Variants in PRAG1 observed in about 807,000 individuals in gnomAD.
PRAG1 encodes PEAK1 related, kinase-activating pseudokinase 1.
PRAG1 carries 110 observed loss-of-function variants against 95.6 expected under a neutral mutation model. The observed-to-expected ratio is 1.15, with a 90% CI of 0.99 to 1.35. The LOEUF (loss-of-function observed/expected upper bound fraction) is 1.35. Among genes scored for constraint, PRAG1 ranks in the 40% most tolerant of loss-of-function variants. The probability of loss-of-function intolerance (pLI) is 0.00; values close to 1 mark genes in which losing one functional copy is unlikely to be tolerated. For synonymous variants in PRAG1, 1,052 were observed against 819.4 expected, an observed-to-expected ratio of 1.28 and a Z score of -4.85; for missense variants, 2,554 against 1,864.7, an observed-to-expected ratio of 1.37 and a Z score of -6.81.
chr8:8,326,567 C>A (rs931464371), intron 5 of PRAG1, among the ~76,000 whole-genome samples: 1 of 152,190 alleles, frequency 6.6e-6, no homozygotes, highest in Non-Finnish European at 1.5e-5. Context: ...ATGGTAGAGA[C>A]TCCAGTGGCC....
intron 3 of PRAG1, among the ~76,000 whole-genome samples, chr8:8,360,809 G>A (rs949489072): frequency 6.6e-6 from 1 of 152,116 alleles, no homozygotes; most frequent in African/African-American, 2.4e-5. Context: ...GGTGCTGATT[G>A]CTGAATCCCC....
chr8:8,323,488 T>C (rs1340514009), intron 5 of PRAG1, among the ~76,000 whole-genome samples: 1 of 152,066 alleles, frequency 6.6e-6, no homozygotes, highest in Non-Finnish European at 1.5e-5. Context: ...TGACTAATTT[T>C]TGTATTGTTC....
chr8:8,337,484 G>A (rs572682763), intron 4 of PRAG1, among the ~76,000 whole-genome samples: 3 of 152,174 alleles, frequency 2.0e-5, no homozygotes, highest in African/African-American at 7.2e-5. Flanking sequence ...GAGAGAGAGA[G>A]AGAAAGAGAG....
chr8:8,386,134 C>G (rs1022683342), intron 1 of PRAG1, among the ~76,000 whole-genome samples, 187 bp downstream of exon 1: 1 of 152,074 alleles, frequency 6.6e-6, no homozygotes, highest in African/African-American at 2.4e-5. Context: ...CCCGGCCGGG[C>G]GCCTCCCTGC....
In PRAG1 at chr8:8,377,220, G is replaced by A. The variant is rs376945485; in HGVS notation, c.1189C>T (p.Pro397Ser). Reference protein sequence around the residue: ...PSRCLGLTGEPQPPAHPREAT... With the variant: ...PSRCLGLTGESQPPAHPREAT... ...TCCCGGGGGTGGGCCGGGGGCTGGG[G>A]CTCCCCCGTCAGCCCAAGGCATCTG... The change falls in exon 3 of 6, where the codon CCC becomes TCC. Residue 397 changes from proline (P) to serine (S), a missense_variant. Coordinates refer to ENST00000615670, the MANE Select transcript of PRAG1 (RefSeq NM_001080826.3). 4.2e-5 allele frequency: 68 copies of A among 1,612,018 alleles called. No individual in the cohort carries two copies. The East Asian group carries it at 7.8e-4, about 19-fold the overall frequency.
chr8:8,320,523 C>A (rs1563224183), intron 5 of PRAG1, among the ~76,000 whole-genome samples: 2 of 152,168 alleles, frequency 1.3e-5, no homozygotes, highest in Non-Finnish European at 2.9e-5. Flanking sequence ...CTCTGTCAGG[C>A]CTCAATCTCC....
At chr8:8,371,276 T>C (rs1044430381) in intron 3 of PRAG1, among the ~76,000 whole-genome samples, 7 of 152,032 alleles carry the variant, frequency 4.6e-5, no homozygotes, top group Admixed American at 2.0e-4. Context: ...TTCTTTTTTT[T>C]TTGAGGTGGA....
At chr8:8,324,166 C>T (rs1026423515) in intron 5 of PRAG1, among the ~76,000 whole-genome samples, 3 of 152,168 alleles carry the variant, frequency 2.0e-5, no homozygotes, top group Non-Finnish European at 4.4e-5. Flanking sequence ...GCGGAGGCAT[C>T]CAGAGCTGGC....
chr8:8,336,051 A>G (rs1194853312), intron 4 of PRAG1, among the ~76,000 whole-genome samples: 1 of 152,258 alleles, frequency 6.6e-6, no homozygotes, highest in Non-Finnish European at 1.5e-5. Flanking sequence ...AGCTATAAAA[A>G]TAAGAATGGT....
chr8:8,385,086 A>C (rs1206229928), intron 1 of PRAG1, among the ~76,000 whole-genome samples: 1 of 152,240 alleles, frequency 6.6e-6, no homozygotes, highest in Non-Finnish European at 1.5e-5. Context: ...GACTTACATC[A>C]GAAGTTGCTT....
In PRAG1 at chr8:8,381,575, G is replaced by C. The variant is rs189942156; in HGVS notation, c.173C>G (p.Pro58Arg). ...QPRAGSLPPP[P>R]RLPPRPENCR... ...GTTCTCAGGCCTGGGAGGCAGGCGC[G>C]GTGGAGGGGGCAGGCTGCCCGCTCT... Residue 58 changes from proline to arginine, a missense_variant, in exon 2 of 6, where the codon CCG becomes CGG. Pro to Arg is a moderately radical substitution (Grantham distance 103, BLOSUM62 -2). Coordinates refer to ENST00000615670, the MANE Select transcript of PRAG1 (RefSeq NM_001080826.3). The C allele has an allele frequency of 1.8e-4, 292 of 1,614,186 alleles. 2 individuals carry two copies. In the African/African-American group the frequency reaches 3.4e-3, roughly 19 times the overall value.
At position 8,377,967 on chromosome 8, in the gene PRAG1, A is replaced by C; in HGVS notation, c.442T>G (p.Ser148Ala). ...GVQKPAGPST[S>A]PDGNSRCPPA... ...GGACAGCGAGAATTGCCATCAGGGG[A>C]GGTAGAGGGACCAGCAGGCTTCTGT... The change falls in exon 3 of 6, where the codon TCC becomes GCC. Residue 148 changes from serine to alanine, a missense_variant. Coordinates refer to ENST00000615670, the MANE Select transcript of PRAG1 (RefSeq NM_001080826.3). 2 of 1,613,534 alleles carry C rather than the reference A, an allele frequency of 1.2e-6. No individual in the cohort carries two copies. The highest frequency in any genetic ancestry group is 1.7e-6 in the Non-Finnish European group (2 of 1,179,862).
At position 8,376,915 on chromosome 8, in the gene PRAG1, C is replaced by G; in HGVS notation, c.1494G>C (p.Gly498=). 1 of 1,613,388 alleles carries G rather than the reference C, an allele frequency of 6.2e-7. No homozygotes were observed. Among genetic ancestry groups the G allele is most frequent in the East Asian group, 2.2e-5 (1 of 44,876 alleles). The change falls in exon 3 of 6, where the codon GGG becomes GGC. Residue 498 remains glycine (G), a synonymous_variant. Transcript: ENST00000615670. ...TCACAGGCCCTCGTGGCCACTGCAC[C>G]CCCACTGCAGAGTCAGGGCTGCTCA... ...IYLSSPDSAV[G]VQWPRGPVSQ...
At chr8:8,350,511 C>T (rs911025776) in intron 3 of PRAG1, among the ~76,000 whole-genome samples, 4 of 152,196 alleles carry the variant, frequency 2.6e-5, no homozygotes, top group Non-Finnish European at 5.9e-5. Flanking sequence ...AGAGTAACTG[C>T]ATTCCACAAA....
In PRAG1 at chr8:8,345,254, G is replaced by T. The variant is rs114732767; in HGVS notation, c.2163-5619C>A. On this transcript the variant is annotated intron_variant, in intron 3 of 5. Coordinates refer to ENST00000615670, the MANE Select transcript of PRAG1 (RefSeq NM_001080826.3). ...GTCGCTAAAACCCAACAGGTGACCA[G>T]GCATCGTGGCCCAAGCCTGTAATCC... Among the ~76,000 whole-genome samples the T allele has an allele frequency of 7.7e-3, 1,168 of 151,968 alleles. 20 individuals are homozygous for T. The highest frequency in any genetic ancestry group is 0.027 in the African/African-American group (1,125 of 41,410).
At chr8:8,344,441 C>T (rs1237598841) in intron 3 of PRAG1, among the ~76,000 whole-genome samples, 1 of 152,062 alleles carries the variant, frequency 6.6e-6, no homozygotes, top group Non-Finnish European at 1.5e-5. Flanking sequence ...ACATGTTTTA[C>T]GGAGCACATA....
In PRAG1 at chr8:8,342,450, C is replaced by G. The variant is rs540813129; in HGVS notation, c.2163-2815G>C. Among the ~76,000 whole-genome samples the G allele has an allele frequency of 2.4e-3, 372 of 152,212 alleles. 2 individuals carry two copies. Among genetic ancestry groups the G allele is most frequent in the African/African-American group, 8.5e-3 (355 of 41,552 alleles). ...TGACCTCGTGATCTGCCCGCCTCGG[C>G]CTCCCAAAGTACTGGGATTACAGGA... On this transcript the variant is annotated intron_variant, in intron 3 of 5. Coordinates refer to ENST00000615670, the MANE Select transcript of PRAG1 (RefSeq NM_001080826.3).
At chr8:8,330,690 G>C (rs1234115857) in intron 4 of PRAG1, among the ~76,000 whole-genome samples, 7 of 152,222 alleles carry the variant, frequency 4.6e-5, no homozygotes, top group African/African-American at 1.2e-4. Flanking sequence ...GGAAGATCTA[G>C]ATGGCAGTGA....
At chr8:8,327,249 T>C (rs1397906243) in intron 5 of PRAG1, among the ~76,000 whole-genome samples, 2 of 151,952 alleles carry the variant, frequency 1.3e-5, no homozygotes, top group East Asian at 3.9e-4. Context: ...AGAGAGAGAG[T>C]GAAGCTGCTG....
Sources: gnomAD v4.1 joint callset for allele counts (sites outside exome capture counted in the v4.1 genomes callset) on GRCh38, gnomAD v4.1.1 for gene constraint, MANE v1.5 for transcripts, NCBI Gene and HGNC (gene_info 2026-07-23, HGNC 2026-07-21) for gene names.